Variants in DNAJA3 observed in about 807,000 individuals in gnomAD.
The protein encoded by DNAJA3 is DnaJ heat shock protein family (Hsp40) member A3.
A neutral mutation model predicts 54.9 loss-of-function variants in DNAJA3; 29 were observed. That is an observed-to-expected ratio of 0.53 (90% CI 0.39 to 0.72). The LOEUF (loss-of-function observed/expected upper bound fraction) is 0.72. Ranked by LOEUF, DNAJA3 falls within the 30% of genes least tolerant of loss-of-function variation. The pLI is 0.00. For missense variants in DNAJA3, 708 were observed against 639.4 expected, an observed-to-expected ratio of 1.11 and a Z score of -1.16; for synonymous variants, 302 against 251.4, an observed-to-expected ratio of 1.20 and a Z score of -1.90.
intron 6 of DNAJA3, 108 bp from the exon 7 acceptor site, chr16:4,444,556 G>C (rs1316987948): frequency 6.7e-6 from 6 of 901,116 alleles, no homozygotes; most frequent in Non-Finnish European, 1.1e-5. Context: ...GGATGGTCTC[G>C]ATCTCTTGAC....
chr16:4,429,104 G>A (rs1372734604), intron 1 of DNAJA3, among the ~76,000 whole-genome samples: 1 of 151,876 alleles, frequency 6.6e-6, no homozygotes, highest in African/African-American at 2.4e-5. Flanking sequence ...TAGCCAGGAC[G>A]TCTCGATCTC....
intron 3 of DNAJA3, 63 bp from the exon 4 acceptor site, chr16:4,441,312 C>G: frequency 2.0e-6 from 3 of 1,470,820 alleles, no homozygotes; most frequent in Non-Finnish European, 2.8e-6. Context: ...GCTGTGAACT[C>G]TTGTCTGTAT....
Position 4,434,386 on chromosome 16 carries a change from A to G in DNAJA3, c.214A>G (p.Thr72Ala), listed in dbSNP as rs1330524907. 2 of 1,610,798 alleles carry G rather than the reference A, an allele frequency of 1.2e-6. No individual in the cohort carries two copies. Among genetic ancestry groups the G allele is most frequent in the African/African-American group, 1.3e-5 (1 of 74,634 alleles). ...TTTCTTTGTTTTTTCCTTTTTAGGA[A>G]CAAAACATAACCCTTTCATTTGTAC... is the stretch of plus-strand genomic sequence containing the variant. The part of the protein sequence containing the change: ...TLRPGVSLTG[T>A]KHNPFICTAS... The change falls in exon 2 of 12, where the codon ACA becomes GCA. Residue 72 changes from threonine (T) to alanine (A), a missense_variant and splice_region_variant. By Grantham distance (58) the Thr-to-Ala change is moderately conservative. Transcript: ENST00000262375.
intron 8 of DNAJA3, chr16:4,447,237 C>T (rs2056913822): frequency 3.6e-6 from 2 of 553,400 alleles, no homozygotes; most frequent in African/African-American, 1.9e-5. Context: ...GCTGGCATCA[C>T]TCCCACACTG....
intron 11 of DNAJA3, 109 bp from the exon 12 acceptor site, chr16:4,455,437 C>G: frequency 7.5e-7 from 1 of 1,338,732 alleles, no homozygotes; most frequent in Non-Finnish European, 1.0e-6. Flanking sequence ...GTGGGGTTCT[C>G]GCCCCTCTCT....
chr16:4,441,601 T>C (rs376410630), intron 4 of DNAJA3, 26 bp downstream of exon 4: 10 of 1,610,018 alleles, frequency 6.2e-6, no homozygotes, highest in African/African-American at 5.4e-5. Context: ...GGAAGAATTA[T>C]TCAAATTTTA....
At position 4,446,816 on chromosome 16, in the gene DNAJA3, C is replaced by T. The variant is rs1354034376; in HGVS notation, c.997-70C>T. ...TTGTCAGGTCTGAGCTTGGGCCTGG[C>T]CAGGCATGCAGCTGGTGTTTAGTCT... On this transcript the variant is annotated intron_variant, in intron 7 of 11. Transcript: ENST00000262375. The T allele has an allele frequency of 1.6e-5, 26 of 1,585,170 alleles. No homozygotes were observed. In the African/African-American group the frequency reaches 3.4e-4, roughly 20 times the overall value.
At chr16:4,454,191 C>T (rs1048699530) in intron 10 of DNAJA3, among the ~76,000 whole-genome samples, 1 of 152,196 alleles carries the variant, frequency 6.6e-6, no homozygotes, top group African/African-American at 2.4e-5. Context: ...GGCCGTGACT[C>T]CCACATGGGC....
chr16:4,428,550 G>A (rs939241188), intron 1 of DNAJA3, among the ~76,000 whole-genome samples: 2 of 152,152 alleles, frequency 1.3e-5, no homozygotes, highest in African/African-American at 4.8e-5. Context: ...GGGAGCACTC[G>A]TTATTATTGT....
Position 4,441,391 on chromosome 16 carries a change from T to G in DNAJA3, c.446T>G (p.Val149Gly), listed in dbSNP as rs2056834137. ...AEAYEVLSDE[V>G]KRKQYDAYGS... ...TCACTGTAGGTTTTGAGTGATGAGG[T>G]GAAGAGGAAGCAGTACGATGCCTAC... Residue 149 changes from valine to glycine, a missense_variant, in exon 4 of 12, where the codon GTG becomes GGG. Val to Gly is a moderately radical substitution (Grantham distance 109). Transcript: ENST00000262375. The G allele has an allele frequency of 6.2e-7, 1 of 1,613,174 alleles. No homozygotes were observed.
chr16:4,429,406 C>T (rs918324359), intron 1 of DNAJA3, among the ~76,000 whole-genome samples: 2 of 151,844 alleles, frequency 1.3e-5, no homozygotes, highest in East Asian at 2.0e-4. Flanking sequence ...GTATTTTTAG[C>T]AGATACTGGA....
chr16:4,442,198 C>G, intron 4 of DNAJA3, 70 bp from the exon 5 acceptor site: 1 of 1,481,128 alleles, frequency 6.8e-7, no homozygotes, highest in Non-Finnish European at 9.1e-7. Flanking sequence ...CCCTCCTTTC[C>G]CTTTAGAGCC....
At chr16:4,446,029 C>T (rs1253418247) in intron 7 of DNAJA3, among the ~76,000 whole-genome samples, 2 of 151,440 alleles carry the variant, frequency 1.3e-5, no homozygotes, top group African/African-American at 4.9e-5. Context: ...TCAAGCGATT[C>T]TCTTGCCTCA....
At chr16:4,436,121 T>C (rs939987325) in intron 2 of DNAJA3, among the ~76,000 whole-genome samples, 2 of 152,258 alleles carry the variant, frequency 1.3e-5, no homozygotes, top group Non-Finnish European at 2.9e-5. Flanking sequence ...AGTATGTCTT[T>C]GGAGAAACGT....
At chr16:4,453,292 G>A (rs1366254345) in intron 10 of DNAJA3, among the ~76,000 whole-genome samples, 1 of 152,174 alleles carries the variant, frequency 6.6e-6, no homozygotes, top group Non-Finnish European at 1.5e-5. Flanking sequence ...CGGTCTCCCA[G>A]AAAGACCATG....
At chr16:4,429,006 A>G (rs962988403) in intron 1 of DNAJA3, among the ~76,000 whole-genome samples, 2 of 140,998 alleles carry the variant, frequency 1.4e-5, no homozygotes, top group Non-Finnish European at 3.0e-5. Context: ...CTCCTGCCTC[A>G]GCCTCCCGAG....
At chr16:4,450,154 G>T in intron 9 of DNAJA3, 1 of 453,402 alleles carries the variant, frequency 2.2e-6, no homozygotes, top group South Asian at 4.7e-5. Context: ...CCTGTAAACT[G>T]TATTTAGCAT....
intron 7 of DNAJA3, among the ~76,000 whole-genome samples, chr16:4,445,886 A>G (rs2056896149): frequency 1.3e-5 from 2 of 151,272 alleles, no homozygotes; most frequent in Non-Finnish European, 2.9e-5. Flanking sequence ...GGTTGTGGGT[A>G]TGACATGCTT....
At chr16:4,434,232 C>A in intron 1 of DNAJA3, 152 bp from the exon 2 acceptor site, 1 of 810,858 alleles carries the variant, frequency 1.2e-6, no homozygotes, top group East Asian at 2.7e-5. Context: ...ATTATGGGAA[C>A]TAAAATTCTA....
Sources: allele counts gnomAD v4.1 joint callset (sites outside exome capture counted in the v4.1 genomes callset), GRCh38; gene constraint gnomAD v4.1.1; transcripts MANE v1.5; gene names NCBI Gene and HGNC (gene_info 2026-07-23, HGNC 2026-07-21).